The following PKP4 variants were observed in gnomAD, a reference collection of about 807,000 sequenced individuals.
PKP4 encodes the protein plakophilin 4.
In PKP4, 90 loss-of-function variants were observed where a neutral mutation model predicts 145.1. The observed-to-expected ratio is 0.62, with a 90% CI of 0.52 to 0.74. PKP4 has a LOEUF of 0.74. Among genes scored for constraint, PKP4 ranks in the 30% least tolerant of loss-of-function variants. The pLI is 0.00. For synonymous variants in PKP4, 563 were observed against 577.2 expected (o/e 0.98, Z 0.35); for missense variants, 1,340 against 1,482.7 (o/e 0.90, Z 1.58).
chr2:158,619,640 C>G (rs757968041), intron 4 of PKP4, among the ~76,000 whole-genome samples: 5 of 152,166 alleles, frequency 3.3e-5, no homozygotes, highest in Non-Finnish European at 7.3e-5. Flanking sequence ...AGCCACAATG[C>G]AATGCCAGGC....
intron 2 of PKP4, among the ~76,000 whole-genome samples, chr2:158,563,818 T>A (rs1223042565): frequency 6.6e-6 from 1 of 152,140 alleles, no homozygotes; most frequent in Non-Finnish European, 1.5e-5. Flanking sequence ...TACTTTCGAA[T>A]CTGATGTGTT....
chr2:158,566,630 A>G (rs1461387016), intron 2 of PKP4, among the ~76,000 whole-genome samples: 1 of 152,172 alleles, frequency 6.6e-6, no homozygotes, highest in African/African-American at 2.4e-5. Flanking sequence ...CTACCAAATA[A>G]CTACCTTGTT....
chr2:158,633,649 T>A (rs1290814385), intron 8 of PKP4, among the ~76,000 whole-genome samples: 1 of 152,240 alleles, frequency 6.6e-6, no homozygotes, highest in Non-Finnish European at 1.5e-5. Flanking sequence ...TAGAATAAAA[T>A]AAGTAACCTG....
intron 1 of PKP4, among the ~76,000 whole-genome samples, chr2:158,467,689 T>A (rs1026989662): frequency 6.6e-6 from 1 of 151,892 alleles, no homozygotes; most frequent in South Asian, 2.1e-4. Context: ...CTAAAAAAAA[T>A]TTTAAAAATT....
intron 4 of PKP4, among the ~76,000 whole-genome samples, chr2:158,616,822 C>G (rs2051671515): frequency 6.6e-6 from 1 of 152,136 alleles, no homozygotes; most frequent in Non-Finnish European, 1.5e-5. Flanking sequence ...ACTACAGACC[C>G]TGTTTCGTAC....
chr2:158,628,885 C>A (rs2053076438), intron 7 of PKP4, among the ~76,000 whole-genome samples: 1 of 152,096 alleles, frequency 6.6e-6, no homozygotes, highest in Admixed American at 6.5e-5. Flanking sequence ...TTGGCTCTGT[C>A]CAAGTGTAAA....
chr2:158,571,123 T>C (rs1195245555), intron 2 of PKP4, among the ~76,000 whole-genome samples: 1 of 152,184 alleles, frequency 6.6e-6, no homozygotes, highest in Non-Finnish European at 1.5e-5. Context: ...CGCCTACTGC[T>C]GTTTCTTAAT....
intron 2 of PKP4, among the ~76,000 whole-genome samples, chr2:158,554,613 G>A (rs533692193): frequency 3.3e-5 from 5 of 151,952 alleles, no homozygotes; most frequent in Non-Finnish European, 7.4e-5. Context: ...TTTTAGTAAA[G>A]ACGGGGTTTC....
intron 2 of PKP4, among the ~76,000 whole-genome samples, chr2:158,567,396 G>A (rs904399103): frequency 2.0e-5 from 3 of 152,216 alleles, no homozygotes; most frequent in African/African-American, 7.2e-5. Context: ...ATATTTGGGG[G>A]CCAGACTATA....
intron 4 of PKP4, among the ~76,000 whole-genome samples, chr2:158,616,702 G>C (rs1027212270): frequency 1.3e-5 from 2 of 152,142 alleles, no homozygotes; most frequent in African/African-American, 4.8e-5. Flanking sequence ...AGGAGAACCT[G>C]TCATGAGGTT....
chr2:158,617,284 C>T (rs371940316), intron 4 of PKP4, among the ~76,000 whole-genome samples: 1 of 152,128 alleles, frequency 6.6e-6, no homozygotes, highest in East Asian at 1.9e-4. Context: ...GAAAGTTCCC[C>T]ATAGTATATT....
At chr2:158,603,873 T>A (rs2050431547) in intron 4 of PKP4, among the ~76,000 whole-genome samples, 1 of 152,202 alleles carries the variant, frequency 6.6e-6, no homozygotes, top group East Asian at 1.9e-4. Context: ...AGACTTGAAT[T>A]GAGGAAGACT....
intron 3 of PKP4, among the ~76,000 whole-genome samples, chr2:158,599,051 G>A (rs1305343786): frequency 1.3e-5 from 2 of 152,196 alleles, no homozygotes; most frequent in South Asian, 4.1e-4. Context: ...GAGGAGCCAG[G>A]TGGTGCAGGG....
chr2:158,645,744 TTC>T (rs2054761616), intron 11 of PKP4, among the ~76,000 whole-genome samples: 1 of 152,232 alleles, frequency 6.6e-6, no homozygotes, highest in Non-Finnish European at 1.5e-5. Flanking sequence ...TTTTCTGAAT[TTC>T]TGTTTGAGTT....
chr2:158,597,546 C>G (rs1296007062), intron 3 of PKP4, among the ~76,000 whole-genome samples: 1 of 152,102 alleles, frequency 6.6e-6, no homozygotes, highest in Non-Finnish European at 1.5e-5. Flanking sequence ...GAGGAGGTGA[C>G]CAACTCTCCT....
intron 4 of PKP4, among the ~76,000 whole-genome samples, chr2:158,619,096 T>G (rs1161685932): frequency 6.6e-6 from 1 of 152,218 alleles, no homozygotes; most frequent in Non-Finnish European, 1.5e-5. Context: ...AGCTCTGATT[T>G]CAGGCCAGCA....
chr2:158,587,386 T>C (rs1198237764), intron 3 of PKP4, among the ~76,000 whole-genome samples: 1 of 152,116 alleles, frequency 6.6e-6, no homozygotes. Flanking sequence ...TTTAACAGTA[T>C]TGAATTATTG....
intron 3 of PKP4, chr2:158,588,271 AC>A (rs906493521): frequency 2.0e-5 from 3 of 152,068 alleles, no homozygotes; most frequent in Admixed American, 1.3e-4. Context: ...AACAGTTGCC[AC>A]CCCCTTGAGC....
chr2:158,469,696 G>A (rs1691247055), intron 1 of PKP4, among the ~76,000 whole-genome samples: 2 of 152,154 alleles, frequency 1.3e-5, no homozygotes, highest in African/African-American at 4.8e-5. Context: ...TCCTAGCTGA[G>A]AAGGTAAGTG....
Sources: allele counts gnomAD v4.1 joint callset (sites outside exome capture counted in the v4.1 genomes callset), GRCh38; gene constraint gnomAD v4.1.1; transcripts MANE v1.5; gene names NCBI Gene and HGNC (gene_info 2026-07-23, HGNC 2026-07-21).